Variants in HPS3 observed in about 807,000 individuals in gnomAD.
HPS3 encodes BLOC-2 complex member HPS3.
A neutral mutation model predicts 110.9 loss-of-function variants in HPS3; 79 were observed. That is an observed-to-expected ratio of 0.71 (90% CI 0.59 to 0.86). HPS3 has a LOEUF of 0.86. Among genes scored for constraint, HPS3 ranks in the 40% least tolerant of loss-of-function variants. HPS3 has a pLI of 0.00. For missense variants in HPS3, 1,197 were observed against 1,206.2 expected, an observed-to-expected ratio of 0.99 and a Z score of 0.11; for synonymous variants, 428 against 451.0, an observed-to-expected ratio of 0.95 and a Z score of 0.65.
At chr3:149,170,682 A>C (rs374249487) in intron 16 of HPS3, 2 of 152,356 alleles carry the variant, frequency 1.3e-5, no homozygotes, top group East Asian at 1.9e-4. Context: ...TTTAGCAACA[A>C]AGGCAGTTCA....
intron 14 of HPS3, among the ~76,000 whole-genome samples, chr3:149,164,422 G>A (rs1295852238): frequency 6.6e-6 from 1 of 152,174 alleles, no homozygotes; most frequent in African/African-American, 2.4e-5. Flanking sequence ...AAATGAGGGG[G>A]ATGATTAGAG....
chr3:149,141,025 A>G lies in HPS3; in HGVS notation c.721A>G (p.Asn241Asp), dbSNP rs1722408188. The G allele has an allele frequency of 6.2e-7, 1 of 1,613,872 alleles. No individual in the cohort carries two copies. The highest frequency in any genetic ancestry group is 8.5e-7 in the Non-Finnish European group (1 of 1,179,834). Reference sequence around the variant, plus strand: ...CATTTTATTTTTTTAAGGCATCAGTAATGAAATTTCACAGCTTGAGTCAGA... The same window carrying G: ...CATTTTATTTTTTTAAGGCATCAGTGATGAAATTTCACAGCTTGAGTCAGA... ...RIRRTEEGISNEISQLESDDF... is the reference protein window; with the variant it reads ...RIRRTEEGISDEISQLESDDF... Residue 241 changes from asparagine (N) to aspartate (D), a missense_variant, in exon 3 of 17, where the codon AAT (asparagine) becomes GAT (aspartate). Transcript: ENST00000296051.
At chr3:149,166,198 T>C in intron 14 of HPS3, 2 of 352,532 alleles carry the variant, frequency 5.7e-6, no homozygotes, top group East Asian at 1.5e-4. Context: ...TTGGTAAAGT[T>C]GTAAATTCTG....
At position 149,163,986 on chromosome 3, in the gene HPS3, TA is replaced by T. The variant is rs1277944709; in HGVS notation, c.2589+38del. 4 of 1,009,572 alleles carry T rather than the reference TA, an allele frequency of 4.0e-6. No individual in the cohort carries two copies. The Admixed American group carries it at 5.2e-5, about 13-fold the overall frequency. The allele number at this position is 1,009,572 out of a possible 1,614,324, so 62.5% of individuals were successfully genotyped here. ...TACCTCCTTTTCTTATGAAATTGCATATTACAATATAGTGTAAGATTAAATT... is the reference window on the plus strand; with the variant it reads ...TACCTCCTTTTCTTATGAAATTGCATTTACAATATAGTGTAAGATTAAATT... On this transcript the variant is annotated intron_variant, in intron 14 of 16. Coordinates refer to ENST00000296051, the MANE Select transcript of HPS3 (RefSeq NM_032383.5).
In HPS3 at chr3:149,158,592, A is replaced by G. The variant is rs148081725; in HGVS notation, c.1692-74A>G. 1,971 of 1,356,844 alleles carry G rather than the reference A, an allele frequency of 1.5e-3. 23 individuals carry two copies. In the African/African-American group the frequency reaches 0.025, roughly 17 times the overall value. 84.1% of individuals were successfully genotyped at this position (1,356,844 alleles called of 1,614,324 possible). On this transcript the variant is annotated intron_variant, in intron 9 of 16. Coordinates refer to ENST00000296051, the MANE Select transcript of HPS3 (RefSeq NM_032383.5). ...CACTTGAGGTCAGGAGTTTGAAATC[A>G]GTCTGGGCAACATAGTGAGACCCCG...
intron 1 of HPS3, among the ~76,000 whole-genome samples, chr3:149,134,404 C>G (rs1447687166): frequency 6.6e-6 from 1 of 152,186 alleles, no homozygotes; most frequent in East Asian, 1.9e-4. Context: ...CAGGGACAGA[C>G]AGGCATACAC....
At chr3:149,139,853 T>C (rs762916620) in intron 1 of HPS3, 151 bp from the exon 2 acceptor site, 5 of 715,646 alleles carry the variant, frequency 7.0e-6, no homozygotes, top group Admixed American at 3.0e-5. Context: ...CAGTCAAAAA[T>C]ACACCTAAGA....
At chr3:149,169,038 C>CGTGT (rs34076994) in intron 16 of HPS3, among the ~76,000 whole-genome samples, 6,525 of 149,786 alleles carry the variant, frequency 0.044, 174 homozygotes, top group Middle Eastern at 0.082. Context: ...TGTGTGCATA[C>CGTGT]GTGTGTGTGT....
chr3:149,153,566 C>T lies in HPS3; in HGVS notation c.1318C>T (p.His440Tyr). The T allele has an allele frequency of 1.2e-6, 2 of 1,613,958 alleles. No homozygotes were observed. The highest frequency in any genetic ancestry group is 8.5e-7 in the Non-Finnish European group (1 of 1,179,824). Residue 440 changes from histidine to tyrosine, a missense_variant, in exon 7 of 17, where the codon CAC becomes TAC. Coordinates refer to ENST00000296051, the MANE Select transcript of HPS3 (RefSeq NM_032383.5). The part of the protein sequence containing the change: ...QLFIGLKAIC[H>Y]FKNHIILLTK... ...TTTCATAGGCTTGAAAGCCATCTGT[C>T]ACTTTAAAAACCACATCATACTTTT...
In HPS3 at chr3:149,162,596, G is replaced by T. The variant is rs777852886; in HGVS notation, c.2293-94G>T. 3.1e-6 allele frequency: 4 copies of T among 1,300,054 alleles called. No individual in the cohort carries two copies. The Admixed American group carries it at 6.8e-5, about 22-fold the overall frequency. The allele number at this position is 1,300,054 out of a possible 1,614,324, so 80.5% of individuals were successfully genotyped here. A position where few individuals can be genotyped will look rare whatever the true frequency, so the allele number is the denominator to read the frequency against. The stretch of plus-strand genomic sequence containing the variant: ...ATGCTAATGGTAAATTATTGATTGC[G>T]TGGCCCATGTGATGCTGTGATATTC... On this transcript the variant is annotated intron_variant, in intron 12 of 16. Transcript: ENST00000296051.
At chr3:149,138,374 T>C (rs1455245143) in intron 1 of HPS3, among the ~76,000 whole-genome samples, 1 of 152,230 alleles carries the variant, frequency 6.6e-6, no homozygotes, top group Non-Finnish European at 1.5e-5. Flanking sequence ...ATAGTGTTAA[T>C]ATAATAGAGT....
Position 149,162,350 on chromosome 3 carries a change from A to T in HPS3, c.2292+17A>T. 1 of 1,612,032 alleles carries T rather than the reference A, an allele frequency of 6.2e-7. No individual in the cohort carries two copies. Among genetic ancestry groups the T allele is most frequent in the Non-Finnish European group, 8.5e-7 (1 of 1,178,176 alleles). On this transcript the variant is annotated intron_variant, in intron 12 of 16. Transcript: ENST00000296051. ...TTTTTTAAGGTTTGTCACTTTGAAA[A>T]TGTGATTTTTCTGGATGGCCTCATT...
At chr3:149,153,199 A>G (rs1723242097) in intron 6 of HPS3, among the ~76,000 whole-genome samples, 2 of 152,226 alleles carry the variant, frequency 1.3e-5, no homozygotes, top group Admixed American at 1.3e-4. Context: ...GGGCACACAC[A>G]CAAGTTCCTG....
chr3:149,129,741 C>A lies in HPS3; in HGVS notation c.18C>A (p.Asn6Lys). 1 of 1,603,862 alleles carries A rather than the reference C, an allele frequency of 6.2e-7. No homozygotes were observed. Among genetic ancestry groups the A allele is most frequent in the Non-Finnish European group, 8.5e-7 (1 of 1,177,864 alleles). Reference sequence around the variant, plus strand: ...ACGTCGGGATGGTGCAGCTGTACAACCTGCACCCGTTCGGGTCGCAGCAGG... The same window carrying A: ...ACGTCGGGATGGTGCAGCTGTACAAACTGCACCCGTTCGGGTCGCAGCAGG... MVQLY[N>K]LHPFGSQQVV... The change falls in exon 1 of 17, where the codon AAC (asparagine) becomes AAA (lysine). Residue 6 changes from asparagine (N) to lysine (K), a missense_variant. Transcript: ENST00000296051.
At chr3:149,158,256 C>T (rs898482297) in intron 9 of HPS3, among the ~76,000 whole-genome samples, 1 of 152,106 alleles carries the variant, frequency 6.6e-6, no homozygotes, top group African/African-American at 2.4e-5. Flanking sequence ...ACAGACTTTT[C>T]CTCCTATAAA....
At chr3:149,130,068 G>T in intron 1 of HPS3, 128 bp downstream of exon 1, 1 of 859,692 alleles carries the variant, frequency 1.2e-6, no homozygotes, top group Non-Finnish European at 1.8e-6. Flanking sequence ...TTGCCGGATG[G>T]TCTCCCTGGG....
rs375065575 is a variant in HPS3 at position 149,140,214 on chromosome 3, C to T, written c.428C>T (p.Pro143Leu). ...SEAPLCISCC[P>L]VKGDLLVGCT... ...GCCCCCTTGTGCATTTCCTGTTGCC[C>T]TGTGAAAGGAGACCTTCTCGTTGGC... Residue 143 changes from proline to leucine, a missense_variant, in exon 2 of 17, where the codon CCT becomes CTT. Pro to Leu is a moderately conservative substitution (Grantham distance 98, BLOSUM62 -3). Coordinates refer to ENST00000296051, the MANE Select transcript of HPS3 (RefSeq NM_032383.5). 1 of 1,613,988 alleles carries T rather than the reference C, an allele frequency of 6.2e-7. No individual in the cohort carries two copies. Among genetic ancestry groups the T allele is most frequent in the African/African-American group, 1.3e-5 (1 of 74,902 alleles).
intron 7 of HPS3, 35 bp from the exon 8 acceptor site, chr3:149,155,072 C>G (rs2108155052): frequency 9.7e-7 from 1 of 1,034,406 alleles, no homozygotes; most frequent in South Asian, 1.3e-5. Flanking sequence ...TTAATAATGT[C>G]ATTTTAAAAT....
chr3:149,171,186 G>A (rs1576715901), intron 16 of HPS3, among the ~76,000 whole-genome samples: 1 of 152,056 alleles, frequency 6.6e-6, no homozygotes, highest in East Asian at 1.9e-4. Context: ...GCTGAGGCAG[G>A]AGAATCTCTT....
Sources: allele counts gnomAD v4.1 joint callset (sites outside exome capture counted in the v4.1 genomes callset), GRCh38; gene constraint gnomAD v4.1.1; transcripts MANE v1.5; gene names NCBI Gene and HGNC (gene_info 2026-07-23, HGNC 2026-07-21).